MLXIP: variants seen among roughly 807,000 people sequenced by gnomAD.
MLXIP encodes MLX interacting protein.
Under a neutral mutation model 87.2 loss-of-function variants are expected in MLXIP, and 30 were observed. The observed-to-expected ratio is 0.34, with a 90% CI of 0.26 to 0.47. The LOEUF (loss-of-function observed/expected upper bound fraction) is 0.47. Among genes scored for constraint, MLXIP ranks in the 20% least tolerant of loss-of-function variants. The probability of loss-of-function intolerance (pLI) is 1.00; values close to 1 mark genes in which losing one functional copy is unlikely to be tolerated. For missense variants in MLXIP, 1,002 were observed against 1,240.1 expected (o/e 0.81, Z 2.88); for synonymous variants, 530 against 514.0 (o/e 1.03, Z -0.42).
intron 1 of MLXIP, among the ~76,000 whole-genome samples, chr12:122,110,557 G>GGGGT (rs1952589600): frequency 6.6e-6 from 1 of 151,934 alleles, no homozygotes; most frequent in African/African-American, 2.4e-5. Flanking sequence ...AAAGTGCTGG[G>GGGGT]ATTACAGGTG....
In MLXIP at chr12:122,147,147, C is replaced by T. The variant is rs575011926; in HGVS notation, c.*5335C>T. On this transcript the variant is annotated 3_prime_UTR_variant, in exon 17 of 17. Coordinates refer to ENST00000319080, the MANE Select transcript of MLXIP (RefSeq NM_014938.6). ...GGCTCCTTTGAAGAGATGGTTCCAC[C>T]TCGTGGTCTGAAGAACAAACCAGAG... is the stretch of plus-strand genomic sequence containing the variant. 2 of 152,216 alleles carry T rather than the reference C, an allele frequency of 1.3e-5. No individual in the cohort carries two copies. Among genetic ancestry groups the T allele is most frequent in the South Asian group, 4.1e-4 (2 of 4,828 alleles). 9.4% of individuals were successfully genotyped at this position (152,216 alleles called of 1,614,324 possible). A position where few individuals can be genotyped will look rare whatever the true frequency, so the allele number is the denominator to read the frequency against.
At chr12:122,091,823 C>G (rs937503298) in intron 1 of MLXIP, among the ~76,000 whole-genome samples, 2 of 152,152 alleles carry the variant, frequency 1.3e-5, no homozygotes, top group African/African-American at 4.8e-5. Flanking sequence ...GCAGCCATCA[C>G]TTAACTTCAG....
In MLXIP at chr12:122,132,390, G is replaced by T. The variant is rs1248803063; in HGVS notation, c.1092+7G>T. On this transcript the variant is annotated splice_region_variant and intron_variant, in intron 8 of 16. Transcript: ENST00000319080. ...CAACAACCCACCTGCACAGGTAGAG[G>T]AAGCTGGGGGATGGGTGGGGGAAGG... The T allele has an allele frequency of 6.2e-7, 1 of 1,604,384 alleles. No individual in the cohort carries two copies. Among genetic ancestry groups the T allele is most frequent in the Admixed American group, 1.7e-5 (1 of 59,038 alleles).
chr12:122,087,617 G>A (rs1952187485), intron 1 of MLXIP, among the ~76,000 whole-genome samples: 1 of 152,230 alleles, frequency 6.6e-6, no homozygotes, highest in South Asian at 2.1e-4. Flanking sequence ...GCAGGAGTGA[G>A]TGGCAGGAGG....
At chr12:122,139,085 G>GA in intron 15 of MLXIP, 147 bp downstream of exon 15, 1 of 1,310,000 alleles carries the variant, frequency 7.6e-7, no homozygotes, top group Non-Finnish European at 1.0e-6. Context: ...TCTATCTCGG[G>GA]AGAGAGTGGT....
chr12:122,134,340 G>T, intron 9 of MLXIP: 1 of 289,928 alleles, frequency 3.4e-6, no homozygotes, highest in Non-Finnish European at 6.4e-6. Flanking sequence ...GATTACAGGT[G>T]TGCGCCACTA....
chr12:122,085,034 C>T (rs1264547429), intron 1 of MLXIP, among the ~76,000 whole-genome samples: 2 of 152,104 alleles, frequency 1.3e-5, no homozygotes, highest in African/African-American at 4.8e-5. Flanking sequence ...AAGTGACCTA[C>T]CTTATCTGCC....
intron 1 of MLXIP, among the ~76,000 whole-genome samples, chr12:122,108,625 A>G (rs1952558406): frequency 6.6e-6 from 1 of 152,092 alleles, no homozygotes; most frequent in South Asian, 2.1e-4. Flanking sequence ...ATCTGCAGGA[A>G]GGAGAAGACA....
chr12:122,105,344 T>A (rs1293659654), intron 1 of MLXIP, among the ~76,000 whole-genome samples: 1 of 152,070 alleles, frequency 6.6e-6, no homozygotes, highest in Non-Finnish European at 1.5e-5. Context: ...TAGAAGAGAT[T>A]TTTCACGGGT....
rs764139943 is a variant in MLXIP, at chr12:122,132,322, G to A, written c.1031G>A (p.Gly344Asp). The change falls in exon 8 of 17, where the codon GGC (glycine) becomes GAC (aspartate). Residue 344 changes from glycine (G) to aspartate (D), a missense_variant. Gly to Asp is a moderately conservative substitution (Grantham distance 94). Around this residue, in one of 3 missense-constraint regions of MLXIP, gnomAD observed 746 missense variants for 897.0 expected, o/e 0.83. Transcript: ENST00000319080. ...DLFSSSRSIF[G>D]SMLPASASAP... The stretch of plus-strand genomic sequence containing the variant: ...TTCTCTTCTAGCCGCTCCATTTTTG[G>A]CTCCATGCTACCTGCATCTGCCTCA... The A allele has an allele frequency of 5.0e-6, 8 of 1,612,884 alleles. No individual in the cohort carries two copies. The highest frequency in any genetic ancestry group is 5.9e-6 in the Non-Finnish European group (7 of 1,179,516).
rs117391240 is a variant in MLXIP at position 122,132,729 on chromosome 12, C to T, written c.1092+346C>T. The T allele has an allele frequency of 2.6e-3, 593 of 229,114 alleles. 7 individuals carry two copies. The highest frequency in any genetic ancestry group is 0.018 in the Admixed American group (338 of 18,282). The allele number at this position is 229,114 out of a possible 1,614,324, so 14.2% of individuals were successfully genotyped here. On this transcript the variant is annotated intron_variant, in intron 8 of 16. Coordinates refer to ENST00000319080, the MANE Select transcript of MLXIP (RefSeq NM_014938.6). ...AAATAACTTCTGTATATTTCTTTCACGTTTTACTAAGCAATCCAAAAAGTT... is the reference window on the plus strand; with the variant it reads ...AAATAACTTCTGTATATTTCTTTCATGTTTTACTAAGCAATCCAAAAAGTT...
intron 1 of MLXIP, among the ~76,000 whole-genome samples, chr12:122,105,482 G>A (rs1209557315): frequency 6.6e-6 from 1 of 151,882 alleles, no homozygotes; most frequent in African/African-American, 2.4e-5. Flanking sequence ...TGAGTAGCTG[G>A]GATTACAGCC....
At position 122,138,874 on chromosome 12, in the gene MLXIP, A is replaced by C; in HGVS notation, c.2444A>C (p.His815Pro). ...GVPVTRRQFD[H>P]MKDMFDEYVK... ...CCCGTTACCCGGCGCCAGTTTGATC[A>C]CATGAAAGACATGTTTGACGAATAC... Residue 815 changes from histidine (H) to proline (P), a missense_variant, in exon 15 of 17, where the codon CAC becomes CCC. Coordinates refer to ENST00000319080, the MANE Select transcript of MLXIP (RefSeq NM_014938.6). The C allele has an allele frequency of 6.2e-7, 1 of 1,614,070 alleles. No individual in the cohort carries two copies. The highest frequency in any genetic ancestry group is 1.3e-5 in the African/African-American group (1 of 75,062).
intron 3 of MLXIP, 152 bp from the exon 4 acceptor site, chr12:122,128,985 G>A (rs1471898854): frequency 3.1e-6 from 2 of 652,856 alleles, no homozygotes; most frequent in Admixed American, 2.3e-5. Flanking sequence ...GGAAGAAGTG[G>A]GACGTACTTT....
At chr12:122,125,066 T>A (rs2135965506) in intron 1 of MLXIP, among the ~76,000 whole-genome samples, 2 of 152,330 alleles carry the variant, frequency 1.3e-5, no homozygotes, top group Middle Eastern at 6.8e-3. Flanking sequence ...TACAGGAGGC[T>A]GAGGCAGGAG....
Position 122,135,283 on chromosome 12 carries a change from G to C in MLXIP, c.1792G>C (p.Gly598Arg), listed in dbSNP as rs769574129. The C allele has an allele frequency of 6.2e-7, 1 of 1,613,704 alleles. No individual in the cohort carries two copies. The change falls in exon 10 of 17, where the codon GGG (glycine) becomes CGG (arginine). Residue 598 changes from glycine to arginine, a missense_variant. Physicochemically the swap from Gly to Arg is moderately radical, Grantham distance 125. Around this residue, in one of 3 missense-constraint regions of MLXIP, gnomAD observed 746 missense variants for 897.0 expected, o/e 0.83. Transcript: ENST00000319080. This position sits in a 1 kb window ranked among gnomAD's most constrained non-coding sequence, Gnocchi z 5.3. Reference protein sequence around the residue: ...IMTSGPLKREGMLASTVSQSN... With the variant: ...IMTSGPLKRERMLASTVSQSN... ...GACGTCAGGGCCTCTGAAGAGAGAA[G>C]GGATGTTGGCCTCCACCGTGTCCCA...
In MLXIP at chr12:122,079,124, C is replaced by T; in HGVS notation, c.271C>T (p.His91Tyr). The change falls in exon 1 of 17, where the codon CAC (histidine) becomes TAC (tyrosine). Residue 91 changes from histidine to tyrosine, a missense_variant. Transcript: ENST00000319080. ...CATGGTGTCGTCGCCGCACCGAGAGCACCCGCCCAAGAAGGGCTACGATTT... is the reference window on the plus strand; with the variant it reads ...CATGGTGTCGTCGCCGCACCGAGAGTACCCGCCCAAGAAGGGCTACGATTT... Reference protein sequence around the residue: ...HFMVSSPHREHPPKKGYDFDT... With the variant: ...HFMVSSPHREYPPKKGYDFDT... The T allele has an allele frequency of 6.4e-7, 1 of 1,550,570 alleles. No individual in the cohort carries two copies.
chr12:122,130,754 G>C (rs147752899), intron 6 of MLXIP, 90 bp from the exon 7 acceptor site: 1 of 896,160 alleles, frequency 1.1e-6, no homozygotes, highest in African/African-American at 1.6e-5. Flanking sequence ...GATGTGAGCA[G>C]GGCCAGGAAG....
chr12:122,130,054 C>A lies in MLXIP; in HGVS notation c.852C>A (p.Thr284=), dbSNP rs755581603. 1.2e-6 allele frequency: 2 copies of A among 1,613,926 alleles called. No individual in the cohort carries two copies. The highest frequency in any genetic ancestry group is 2.2e-5 in the South Asian group (2 of 91,070). ...TGCTCATGTCGGAATTCAGCGACAC[C>A]CTCTTCTCCACACTTTCTTCACACC... is the stretch of plus-strand genomic sequence containing the variant. ...TDMLMSEFSD[T]LFSTLSSHQP... Residue 284 remains threonine, a synonymous_variant, in exon 6 of 17, where the codon ACC becomes ACA. Coordinates refer to ENST00000319080, the MANE Select transcript of MLXIP (RefSeq NM_014938.6).
Sources: allele counts gnomAD v4.1 joint callset (sites outside exome capture counted in the v4.1 genomes callset), GRCh38; gene constraint gnomAD v4.1.1; regional missense constraint gnomAD v4.1.1; non-coding constraint Gnocchi (gnomAD v3.1); transcripts MANE v1.5; gene names NCBI Gene and HGNC (gene_info 2026-07-23, HGNC 2026-07-21).